Variants in PHF14 observed in about 807,000 individuals in gnomAD.
The protein encoded by PHF14 is PHD finger protein 14.
Under a neutral mutation model 117.9 loss-of-function variants are expected in PHF14, and 55 were observed. The ratio of observed to expected loss-of-function variants is 0.47; its 90% confidence interval spans 0.38 to 0.58. The LOEUF (loss-of-function observed/expected upper bound fraction) is 0.58. Ranked by LOEUF, PHF14 falls within the 20% of genes least tolerant of loss-of-function variation. The pLI is 0.00. For missense variants in PHF14, 978 were observed against 1,122.2 expected, an observed-to-expected ratio of 0.87 and a Z score of 1.84; for synonymous variants, 409 against 368.6, an observed-to-expected ratio of 1.11 and a Z score of -1.26.
chr7:11,009,505 T>A (rs1364949461), intron 4 of PHF14, among the ~76,000 whole-genome samples: 13 of 152,226 alleles, frequency 8.5e-5, no homozygotes, highest in Admixed American at 8.5e-4. Context: ...TTTATGTGTT[T>A]ATACATTGTT....
chr7:11,136,758 C>T (rs1199956763), intron 17 of PHF14, among the ~76,000 whole-genome samples: 1 of 151,822 alleles, frequency 6.6e-6, no homozygotes, highest in African/African-American at 2.4e-5. Context: ...ATATATGAGA[C>T]CAAGAAATTC....
intron 14 of PHF14, among the ~76,000 whole-genome samples, chr7:11,055,521 G>A (rs1474673199): frequency 2.0e-5 from 3 of 152,080 alleles, no homozygotes; most frequent in East Asian, 3.9e-4. Context: ...CAAAATAAAT[G>A]CAATAAATAG....
intron 17 of PHF14, among the ~76,000 whole-genome samples, chr7:11,116,482 T>C (rs1440234477): frequency 6.6e-6 from 1 of 152,006 alleles, no homozygotes; most frequent in African/African-American, 2.4e-5. Flanking sequence ...TGAAAACTAA[T>C]TTTCTTCCTT....
At chr7:11,018,605 A>G (rs191001627) in intron 5 of PHF14, among the ~76,000 whole-genome samples, 1 of 152,286 alleles carries the variant, frequency 6.6e-6, no homozygotes, top group Non-Finnish European at 1.5e-5. Flanking sequence ...GTCTTTTGCA[A>G]CTTTACTGAA....
chr7:11,106,750 C>A, intron 16 of PHF14: 1 of 983,452 alleles, frequency 1.0e-6, no homozygotes, highest in Non-Finnish European at 1.2e-6. Context: ...TTTGAACATT[C>A]TTGTGATGGA....
intron 6 of PHF14, among the ~76,000 whole-genome samples, chr7:11,023,609 C>T (rs1409980315): frequency 6.6e-6 from 1 of 152,130 alleles, no homozygotes; most frequent in Non-Finnish European, 1.5e-5. Context: ...GGCAGATCAC[C>T]TGAGATTAGG....
At chr7:11,079,911 C>G (rs1278887256) in intron 16 of PHF14, among the ~76,000 whole-genome samples, 1 of 151,880 alleles carries the variant, frequency 6.6e-6, no homozygotes, top group East Asian at 1.9e-4. Flanking sequence ...TAGAAATTAC[C>G]AATTGCATGT....
At chr7:11,003,276 G>A (rs1293045832) in intron 4 of PHF14, among the ~76,000 whole-genome samples, 1 of 152,114 alleles carries the variant, frequency 6.6e-6, no homozygotes, top group African/African-American at 2.4e-5. Flanking sequence ...GCTAATAGCA[G>A]GACTCTCTGA....
intron 16 of PHF14, chr7:11,063,532 A>G (rs781402925): frequency 2.6e-5 from 25 of 977,380 alleles, no homozygotes; most frequent in Non-Finnish European, 3.0e-5. Flanking sequence ...TTAAAAACTT[A>G]TAGAGCTGGT....
intron 17 of PHF14, among the ~76,000 whole-genome samples, chr7:11,150,391 T>A (rs1232115482): frequency 6.6e-6 from 1 of 152,124 alleles, no homozygotes; most frequent in African/African-American, 2.4e-5. Flanking sequence ...TAAACACAGG[T>A]TTGCCTTTCA....
At chr7:11,103,870 TA>T (rs760659536) in intron 16 of PHF14, 158 of 981,806 alleles carry the variant, frequency 1.6e-4, no homozygotes, top group Middle Eastern at 1.0e-3. Flanking sequence ...AAAGATCTCA[TA>T]ACATTGGAGG....
intron 3 of PHF14, among the ~76,000 whole-genome samples, chr7:10,985,712 G>T (rs1246420983): frequency 1.3e-4 from 17 of 129,294 alleles, no homozygotes; most frequent in Middle Eastern, 9.4e-3. Context: ...GAGTACAGTG[G>T]CATGATCTCG....
At chr7:11,083,135 A>G (rs1295917920) in intron 16 of PHF14, among the ~76,000 whole-genome samples, 1 of 152,166 alleles carries the variant, frequency 6.6e-6, no homozygotes, top group Non-Finnish European at 1.5e-5. Flanking sequence ...ACCCCAGCCA[A>G]TGGGGAAAGG....
At chr7:11,149,810 A>T (rs1293337261) in intron 17 of PHF14, among the ~76,000 whole-genome samples, 2 of 151,242 alleles carry the variant, frequency 1.3e-5, no homozygotes, top group Admixed American at 1.3e-4. Context: ...GTTTCAGTTG[A>T]TTTTTTTTTA....
At chr7:11,154,562 A>G (rs1044598908) in intron 17 of PHF14, among the ~76,000 whole-genome samples, 3 of 152,188 alleles carry the variant, frequency 2.0e-5, no homozygotes, top group African/African-American at 4.8e-5. Context: ...ACCTAGACCT[A>G]TATTGGTCCT....
At chr7:11,065,840 GGAGA>G (rs1450137443) in intron 16 of PHF14, among the ~76,000 whole-genome samples, 2 of 152,222 alleles carry the variant, frequency 1.3e-5, no homozygotes, top group African/African-American at 2.4e-5. Flanking sequence ...ATCAGAGATA[GGAGA>G]GAGAGAAGAA....
At chr7:11,126,823 A>G (rs1029260804) in intron 17 of PHF14, among the ~76,000 whole-genome samples, 1 of 151,796 alleles carries the variant, frequency 6.6e-6, no homozygotes, top group Non-Finnish European at 1.5e-5. Context: ...TTAAACAAAA[A>G]CTCTTCAAAT....
chr7:11,163,075 A>C (rs531630643), intron 17 of PHF14, among the ~76,000 whole-genome samples: 52 of 152,240 alleles, frequency 3.4e-4, no homozygotes, highest in African/African-American at 1.1e-3. Flanking sequence ...TAATGAATGA[A>C]ATGTTGCAGT....
chr7:11,096,885 C>T (rs947694282), intron 16 of PHF14, among the ~76,000 whole-genome samples: 2 of 150,702 alleles, frequency 1.3e-5, no homozygotes, highest in Admixed American at 6.6e-5. Context: ...AACTCATCTT[C>T]AAATGATTTC....
Sources: gnomAD v4.1 joint callset for allele counts (sites outside exome capture counted in the v4.1 genomes callset) on GRCh38, gnomAD v4.1.1 for gene constraint, MANE v1.5 for transcripts, NCBI Gene and HGNC (gene_info 2026-07-23, HGNC 2026-07-21) for gene names.